Variants in FER observed in about 807,000 individuals in gnomAD.
The protein encoded by FER is FER tyrosine kinase, also known as tyrosine-protein kinase Fer.
FER carries 63 observed loss-of-function variants against 111.0 expected under a neutral mutation model. The observed-to-expected ratio is 0.57, with a 90% CI of 0.46 to 0.70. The LOEUF is 0.70. FER is among the 30% of genes least tolerant of loss of function. The pLI, the probability that FER is intolerant of heterozygous loss-of-function variation, is 0.00. For missense variants in FER, 914 were observed against 954.0 expected, an observed-to-expected ratio of 0.96 and a Z score of 0.55; for synonymous variants, 327 against 313.9, an observed-to-expected ratio of 1.04 and a Z score of -0.44.
intron 3 of FER, among the ~76,000 whole-genome samples, chr5:108,816,010 G>A (rs57703314): frequency 3.3e-5 from 5 of 151,712 alleles, no homozygotes; most frequent in African/African-American, 9.7e-5. Flanking sequence ...AATTGAAGAC[G>A]AGTCTGGGTA....
chr5:108,935,128 G>A (rs1305423296), intron 10 of FER, among the ~76,000 whole-genome samples: 1 of 151,958 alleles, frequency 6.6e-6, no homozygotes, highest in East Asian at 1.9e-4. Flanking sequence ...TAGTTGTCTA[G>A]GACCTCCATA....
intron 3 of FER, among the ~76,000 whole-genome samples, chr5:108,800,908 G>T (rs542338405): frequency 2.6e-5 from 4 of 152,128 alleles, no homozygotes; most frequent in Non-Finnish European, 5.9e-5. Context: ...TTAGCCGGGC[G>T]TGGTGGCGAG....
chr5:109,145,308 C>A (rs1753965048), intron 17 of FER, among the ~76,000 whole-genome samples: 1 of 152,048 alleles, frequency 6.6e-6, no homozygotes, highest in African/African-American at 2.4e-5. Context: ...AAAGAAAATG[C>A]TCTCTTTGAA....
At chr5:109,053,978 A>G (rs1773281702) in intron 16 of FER, among the ~76,000 whole-genome samples, 1 of 151,644 alleles carries the variant, frequency 6.6e-6, no homozygotes. Flanking sequence ...GACGTGAGCC[A>G]CTGCGCCCGG....
intron 2 of FER, chr5:108,785,356 C>T (rs1049999534): frequency 2.2e-5 from 13 of 580,264 alleles, no homozygotes; most frequent in Non-Finnish European, 3.4e-6. Context: ...TCTGTGCTGC[C>T]ATGGGCCCCA....
At chr5:108,886,417 CAT>C (rs1028833363) in intron 9 of FER, among the ~76,000 whole-genome samples, 20 of 148,162 alleles carry the variant, frequency 1.3e-4, no homozygotes, top group South Asian at 4.2e-4. Flanking sequence ...AACATATAAA[CAT>C]ATATATTATA....
intron 9 of FER, among the ~76,000 whole-genome samples, chr5:108,893,279 A>C (rs545921315): frequency 6.6e-6 from 1 of 151,686 alleles, no homozygotes; most frequent in South Asian, 2.1e-4. Flanking sequence ...TTTTCACGAT[A>C]TTGGTTCTTC....
At chr5:108,957,805 C>T (rs1758624945) in intron 12 of FER, among the ~76,000 whole-genome samples, 1 of 151,486 alleles carries the variant, frequency 6.6e-6, no homozygotes, top group South Asian at 2.1e-4. Flanking sequence ...AATAGTTATT[C>T]AACTCTTTTA....
chr5:109,111,651 A>G (rs188761736), intron 17 of FER, among the ~76,000 whole-genome samples: 14 of 152,302 alleles, frequency 9.2e-5, no homozygotes, highest in Admixed American at 3.3e-4. Context: ...AACAGGAAGC[A>G]TGACTGGGAG....
intron 17 of FER, among the ~76,000 whole-genome samples, chr5:109,102,395 C>T (rs1748342430): frequency 6.6e-6 from 1 of 152,004 alleles, no homozygotes; most frequent in African/African-American, 2.4e-5. Flanking sequence ...ACACTAGCGC[C>T]AACTTTTAGT....
intron 17 of FER, among the ~76,000 whole-genome samples, chr5:109,156,346 A>G (rs1755375758): frequency 6.6e-6 from 1 of 152,104 alleles, no homozygotes; most frequent in Non-Finnish European, 1.5e-5. Context: ...ACCAAACACT[A>G]CACTCAGGAA....
At chr5:108,927,028 A>G (rs1753835410) in intron 10 of FER, among the ~76,000 whole-genome samples, 1 of 152,048 alleles carries the variant, frequency 6.6e-6, no homozygotes. Flanking sequence ...TTTCTGGGTC[A>G]TCTGTTCCCT....
intron 2 of FER, among the ~76,000 whole-genome samples, chr5:108,794,961 T>G (rs1755845214): frequency 6.6e-6 from 1 of 152,242 alleles, no homozygotes; most frequent in South Asian, 2.1e-4. Context: ...TATTATCACT[T>G]TGAATAAACT....
At chr5:108,845,462 A>G (rs544804972) in intron 5 of FER, among the ~76,000 whole-genome samples, 2 of 152,192 alleles carry the variant, frequency 1.3e-5, no homozygotes, top group Admixed American at 1.3e-4. Flanking sequence ...GGTTACAGGC[A>G]TGAGCCACCG....
At chr5:108,796,711 G>C (rs1265444049) in intron 2 of FER, among the ~76,000 whole-genome samples, 1 of 152,036 alleles carries the variant, frequency 6.6e-6, no homozygotes, top group African/African-American at 2.4e-5. Flanking sequence ...TGAGGCCCAA[G>C]TTTCCTTCAG....
intron 17 of FER, among the ~76,000 whole-genome samples, chr5:109,112,564 C>T (rs942851256): frequency 6.6e-6 from 1 of 152,114 alleles, no homozygotes; most frequent in African/African-American, 2.4e-5. Flanking sequence ...GTTTTGGCTG[C>T]ACCTCTCTCA....
At position 108,868,112 on chromosome 5, in the gene FER, G is replaced by A. The variant is rs368699580; in HGVS notation, c.665+162G>A. On this transcript the variant is annotated intron_variant, in intron 6 of 19. Coordinates refer to ENST00000281092, the MANE Select transcript of FER (RefSeq NM_005246.4). ...GATTTTCACTTTTCATGTCCCTTCA[G>A]TTTGTGCTTATCCCCTAAACCTTCT... is the stretch of plus-strand genomic sequence containing the variant. Among the ~76,000 whole-genome samples, 819 of 152,048 alleles carry A rather than the reference G, an allele frequency of 5.4e-3. 10 individuals are homozygous for A. The highest frequency in any genetic ancestry group is 0.019 in the African/African-American group (798 of 41,504).
intron 13 of FER, among the ~76,000 whole-genome samples, chr5:109,030,941 G>A (rs1460842295): frequency 6.6e-6 from 1 of 152,040 alleles, no homozygotes; most frequent in Non-Finnish European, 1.5e-5. Flanking sequence ...GAAACAAAGA[G>A]GCCTCTTAGG....
At chr5:109,026,852 T>TA (rs1340241487) in intron 13 of FER, among the ~76,000 whole-genome samples, 3 of 152,142 alleles carry the variant, frequency 2.0e-5, no homozygotes, top group Non-Finnish European at 2.9e-5. Flanking sequence ...CTAATTTTTT[T>TA]GTATTTTTAG....
Sources: allele counts gnomAD v4.1 joint callset (sites outside exome capture counted in the v4.1 genomes callset), GRCh38; gene constraint gnomAD v4.1.1; transcripts MANE v1.5; gene names NCBI Gene and HGNC (gene_info 2026-07-23, HGNC 2026-07-21).